Variants in CCDC171 observed in about 807,000 individuals in gnomAD.
The protein encoded by CCDC171 is coiled-coil domain containing 171.
A neutral mutation model predicts 168.2 loss-of-function variants in CCDC171; 177 were observed. The observed-to-expected ratio is 1.05, with a 90% confidence interval of 0.93 to 1.19. The LOEUF (loss-of-function observed/expected upper bound fraction) is 1.19, where lower values mean the gene tolerates loss of function less well. Ranked by LOEUF, CCDC171 falls within the 50% of genes most tolerant of loss-of-function variation. CCDC171 has a pLI of 0.00. For missense variants in CCDC171, 1,991 were observed against 1,539.0 expected (o/e 1.29, Z -4.91); for synonymous variants, 687 against 540.8 (o/e 1.27, Z -3.75).
At chr9:15,887,260 TATTTC>T (rs1272286132) in intron 24 of CCDC171, among the ~76,000 whole-genome samples, 16 of 152,152 alleles carry the variant, frequency 1.1e-4, no homozygotes, top group Admixed American at 4.6e-4. Context: ...GTCAAAAAAA[TATTTC>T]ATTTGAGTTT....
intron 8 of CCDC171, among the ~76,000 whole-genome samples, chr9:15,659,890 A>G (rs1032516745): frequency 2.0e-5 from 3 of 152,176 alleles, no homozygotes; most frequent in East Asian, 1.9e-4. Context: ...TTATTTGCCA[A>G]TGTTAGTTAC....
chr9:15,831,268 G>A (rs112606815), intron 21 of CCDC171, among the ~76,000 whole-genome samples: 4,085 of 151,840 alleles, frequency 0.027, 180 homozygotes, highest in African/African-American at 0.095. Flanking sequence ...CACCATACCC[G>A]GCCCTTAATT....
chr9:15,718,913 A>G (rs1012345950), intron 11 of CCDC171, among the ~76,000 whole-genome samples: 2 of 152,200 alleles, frequency 1.3e-5, no homozygotes, highest in Non-Finnish European at 2.9e-5. Context: ...TAACTCGTCA[A>G]TGCCCAGACA....
chr9:16,073,309 G>A, the CCDC171 span, among the ~76,000 whole-genome samples: 19 of 152,136 alleles, frequency 1.2e-4, no homozygotes, highest in African/African-American at 4.3e-4. Flanking sequence ...ACAATTTGGG[G>A]TTAGACACAC....
chr9:15,896,972 A>G (rs533581892), intron 24 of CCDC171, among the ~76,000 whole-genome samples: 25 of 152,190 alleles, frequency 1.6e-4, no homozygotes, highest in African/African-American at 6.0e-4. Context: ...TCTGTCAGAT[A>G]ATTTTCCGGG....
intron 8 of CCDC171, among the ~76,000 whole-genome samples, chr9:15,665,038 C>G (rs912112999): frequency 3.9e-4 from 60 of 152,136 alleles, no homozygotes; most frequent in African/African-American, 1.3e-3. Context: ...TTCCCACATA[C>G]CCATCGCCCA....
chr9:15,578,731 T>C (rs2040876654), intron 3 of CCDC171, 118 bp from the exon 4 acceptor site: 13 of 594,636 alleles, frequency 2.2e-5, no homozygotes, highest in Non-Finnish European at 3.0e-5. Flanking sequence ...AATATATAAA[T>C]TTATAAATTT....
chr9:15,886,328 C>T (rs907591351), intron 24 of CCDC171: 3 of 152,072 alleles, frequency 2.0e-5, no homozygotes, highest in African/African-American at 7.2e-5. Context: ...AGACATTTTT[C>T]CAAAGAACAC....
chr9:15,781,060 C>A (rs1456992214), intron 20 of CCDC171, among the ~76,000 whole-genome samples: 1 of 152,114 alleles, frequency 6.6e-6, no homozygotes, highest in Non-Finnish European at 1.5e-5. Flanking sequence ...AGAGTATAGT[C>A]AACTGTATTT....
the CCDC171 span, among the ~76,000 whole-genome samples, chr9:16,106,794 C>T: frequency 1.3e-5 from 2 of 152,118 alleles, no homozygotes; most frequent in Non-Finnish European, 2.9e-5. Context: ...TAATCTTCCT[C>T]TGAGGCTTTT....
At chr9:15,741,757 A>G (rs375320890) in intron 16 of CCDC171, among the ~76,000 whole-genome samples, 1 of 152,086 alleles carries the variant, frequency 6.6e-6, no homozygotes, top group Non-Finnish European at 1.5e-5. Context: ...TTATGTCTCT[A>G]CTTGCTTTTT....
intron 25 of CCDC171, among the ~76,000 whole-genome samples, chr9:15,957,623 C>T (rs1829930766): frequency 6.6e-6 from 1 of 152,148 alleles, no homozygotes. Context: ...TCAAAGGAAA[C>T]TTTGAAGGTT....
chr9:15,620,824 C>A (rs974425936), intron 6 of CCDC171, among the ~76,000 whole-genome samples: 2 of 152,126 alleles, frequency 1.3e-5, no homozygotes, highest in African/African-American at 4.8e-5. Flanking sequence ...CACTGACTGC[C>A]CAGCCTTCAG....
At chr9:15,657,037 T>A (rs1281022957) in intron 7 of CCDC171, 90 bp from the exon 8 acceptor site, 1 of 601,688 alleles carries the variant, frequency 1.7e-6, no homozygotes. Flanking sequence ...TCCACTAATC[T>A]AAAGTGTTAA....
At chr9:15,961,171 C>G (rs1480626631) in intron 25 of CCDC171, among the ~76,000 whole-genome samples, 1 of 152,182 alleles carries the variant, frequency 6.6e-6, no homozygotes, top group Non-Finnish European at 1.5e-5. Context: ...CTCTGCTCTT[C>G]TTTACCTGAG....
At chr9:15,966,548 A>G (rs1042620687) in intron 25 of CCDC171, among the ~76,000 whole-genome samples, 1 of 151,868 alleles carries the variant, frequency 6.6e-6, no homozygotes, top group Non-Finnish European at 1.5e-5. Flanking sequence ...CTGCCTGAGG[A>G]CAGAGTTGTT....
intron 21 of CCDC171, among the ~76,000 whole-genome samples, chr9:15,826,642 C>G (rs1198944950): frequency 6.6e-6 from 1 of 152,198 alleles, no homozygotes; most frequent in Admixed American, 6.5e-5. Flanking sequence ...AACAGCTCAG[C>G]TAGGGTCTCT....
intron 24 of CCDC171, among the ~76,000 whole-genome samples, chr9:15,885,310 G>A (rs1454770586): frequency 6.6e-6 from 1 of 152,180 alleles, no homozygotes; most frequent in East Asian, 1.9e-4. Flanking sequence ...CTGCTGACAT[G>A]ATGTGAACAT....
At chr9:15,980,912 A>T (rs1019583445) in intron 3 of CCDC171, among the ~76,000 whole-genome samples, 1 of 151,964 alleles carries the variant, frequency 6.6e-6, no homozygotes, top group African/African-American at 2.4e-5. Flanking sequence ...AAGAGGTTTA[A>T]CTGAACCTAC....
Sources: allele counts gnomAD v4.1 joint callset (sites outside exome capture counted in the v4.1 genomes callset), GRCh38; gene constraint gnomAD v4.1.1; transcripts MANE v1.5; gene names NCBI Gene and HGNC (gene_info 2026-07-23, HGNC 2026-07-21).